ZC3H3: variants seen among roughly 807,000 people sequenced by gnomAD.
The protein encoded by ZC3H3 is zinc finger CCCH domain-containing protein 3.
In ZC3H3, 36 loss-of-function variants were observed where a neutral mutation model predicts 77.3. The ratio of observed to expected loss-of-function variants is 0.47; its 90% CI spans 0.36 to 0.61. The LOEUF (loss-of-function observed/expected upper bound fraction) is 0.61. Ranked by LOEUF, ZC3H3 falls within the 20% of genes least tolerant of loss-of-function variation. The probability of loss-of-function intolerance (pLI) is 0.00; values close to 1 mark genes in which losing one functional copy is unlikely to be tolerated. For synonymous variants in ZC3H3, 626 were observed against 555.2 expected (o/e 1.13, Z -1.79); for missense variants, 1,331 against 1,312.2 (o/e 1.01, Z -0.22).
At chr8:143,491,212 A>G (rs916751405) in intron 4 of ZC3H3, among the ~76,000 whole-genome samples, 2 of 152,152 alleles carry the variant, frequency 1.3e-5, no homozygotes, top group Non-Finnish European at 2.9e-5. Context: ...CGGATCCCAC[A>G]GGAACCCCCG....
At chr8:143,446,848 C>A (rs934684839) in intron 9 of ZC3H3, among the ~76,000 whole-genome samples, 2 of 152,248 alleles carry the variant, frequency 1.3e-5, no homozygotes, top group African/African-American at 4.8e-5. Context: ...CTGGGGCCCG[C>A]AACCGGAGAA....
chr8:143,483,312 G>C (rs1420984966), intron 4 of ZC3H3, among the ~76,000 whole-genome samples: 2 of 152,234 alleles, frequency 1.3e-5, no homozygotes, highest in African/African-American at 2.4e-5. Flanking sequence ...GTGCGCGTGT[G>C]GGGCTGGCTG....
At chr8:143,470,548 G>A (rs76578854) in intron 5 of ZC3H3, among the ~76,000 whole-genome samples, 16,422 of 152,254 alleles carry the variant, frequency 0.11, 917 homozygotes, top group South Asian at 0.17. Flanking sequence ...TGAGGGACGC[G>A]GCAATGCGGC....
Position 143,539,229 on chromosome 8 carries a change from A to T in ZC3H3, c.138T>A (p.Ser46Arg). ...GGTAGCGGGCACTAAAGGCTCTGCCACTGTGGTAAGTGGGTGGCTGCCACC... is the reference window on the plus strand; with the variant it reads ...GGTAGCGGGCACTAAAGGCTCTGCCTCTGTGGTAAGTGGGTGGCTGCCACC... ...ASGWQPPTYH[S>R]GRAFSARYPR... is the part of the protein sequence containing the mutation. Residue 46 changes from serine (S) to arginine (R), a missense_variant, in exon 2 of 12, where the codon AGT (serine) becomes AGA (arginine). By Grantham distance (110) the Ser-to-Arg change is moderately radical. Transcript: ENST00000262577. 1.2e-6 allele frequency: 2 copies of T among 1,612,894 alleles called. No individual in the cohort carries two copies. Among genetic ancestry groups the T allele is most frequent in the Non-Finnish European group, 1.7e-6 (2 of 1,180,012 alleles).
In ZC3H3 at chr8:143,498,922, C is replaced by T. The variant is rs1233934613; in HGVS notation, c.1715+8824G>A. On this transcript the variant is annotated intron_variant, in intron 4 of 11. Coordinates refer to ENST00000262577, the MANE Select transcript of ZC3H3 (RefSeq NM_015117.3). ...CGGGGCGGAGGGGCACAGGACGGGG[C>T]AGAGGGGCACAGGGCAGTGCAGGGG... 2.2e-4 allele frequency among the ~76,000 whole-genome samples: 14 copies of T among 62,268 alleles called. No individual in the cohort carries two copies. The East Asian group carries it at 4.0e-3, about 18-fold the overall frequency. 40.9% of individuals were successfully genotyped at this position (62,268 alleles called of 152,430 possible). A position where few individuals can be genotyped will look rare whatever the true frequency, so the allele number is the denominator to read the frequency against.
intron 3 of ZC3H3, among the ~76,000 whole-genome samples, chr8:143,517,728 T>C (rs1333566258): frequency 1.3e-5 from 2 of 152,196 alleles, no homozygotes; most frequent in Non-Finnish European, 2.9e-5. Context: ...GGACGGGCCC[T>C]TCCCAGGGCT....
At chr8:143,495,759 TTTC>T (rs1276628337) in intron 4 of ZC3H3, among the ~76,000 whole-genome samples, 2 of 114,812 alleles carry the variant, frequency 1.7e-5, no homozygotes, top group African/African-American at 3.4e-5. Context: ...TTTTCTTTTC[TTTC>T]TTTTTTTTTT....
chr8:143,468,486 C>G lies in ZC3H3; in HGVS notation c.2001G>C (p.Glu667Asp), dbSNP rs750339225. ...AIIRQARQRR[E>D]KRKEYCMYYN... Reference sequence around the variant, plus strand: ...AGTACATGCAGTACTCCTTCCTCTTCTCCCTGCGCTGCCGCGCCTGCCGGA... The same window carrying G: ...AGTACATGCAGTACTCCTTCCTCTTGTCCCTGCGCTGCCGCGCCTGCCGGA... Residue 667 changes from glutamate to aspartate, a missense_variant, in exon 7 of 12, where the codon GAG becomes GAC. Physicochemically the swap from Glu to Asp is conservative, Grantham distance 45. This residue lies in a region of ZC3H3 where 978 missense variants were observed against 915.5 expected (regional missense o/e 1.07). Transcript: ENST00000262577. 10 of 1,608,526 alleles carry G rather than the reference C, an allele frequency of 6.2e-6. No individual in the cohort carries two copies. In the South Asian group the frequency reaches 1.1e-4, roughly 18 times the overall value.
chr8:143,540,864 G>A (rs1822988281), intron 1 of ZC3H3, among the ~76,000 whole-genome samples: 1 of 152,130 alleles, frequency 6.6e-6, no homozygotes, highest in Admixed American at 6.5e-5. Flanking sequence ...GCTGAGGCAG[G>A]AGAATCACTC....
At position 143,475,382 on chromosome 8, in the gene ZC3H3, C is replaced by T. The variant is rs572066985; in HGVS notation, c.1903+16G>A. 100 of 1,607,768 alleles carry T rather than the reference C, an allele frequency of 6.2e-5. 1 individual carries two copies. In the Middle Eastern group the frequency reaches 8.3e-4, roughly 13 times the overall value. ...GGTCGGTGTCATCTCCCAGCGCCCC[C>T]GCCCTCACCTCTCACCTGTGCGCAG... On this transcript the variant is annotated intron_variant, in intron 5 of 11. Coordinates refer to ENST00000262577, the MANE Select transcript of ZC3H3 (RefSeq NM_015117.3).
chr8:143,465,956 CG>C, intron 8 of ZC3H3, 108 bp from the exon 9 acceptor site: 1 of 1,428,014 alleles, frequency 7.0e-7, no homozygotes, highest in Non-Finnish European at 9.3e-7. Flanking sequence ...AATGGACACG[CG>C]GCACCAGCAG....
chr8:143,502,467 C>T (rs7834878), intron 4 of ZC3H3, among the ~76,000 whole-genome samples: 2,688 of 152,294 alleles, frequency 0.018, 77 homozygotes, highest in African/African-American at 0.061. Flanking sequence ...GCCTAACTCT[C>T]GTCAAAACTG....
At chr8:143,481,275 C>A (rs960494637) in intron 4 of ZC3H3, among the ~76,000 whole-genome samples, 7 of 152,212 alleles carry the variant, frequency 4.6e-5, no homozygotes, top group African/African-American at 9.6e-5. Flanking sequence ...GGGCCAGAGA[C>A]CCTCATCTGG....
In ZC3H3 at chr8:143,475,562, C is replaced by G. The variant is rs771346941; in HGVS notation, c.1739G>C (p.Arg580Pro). The change falls in exon 5 of 12, where the codon CGT becomes CCT. Residue 580 changes from arginine to proline, a missense_variant. Coordinates refer to ENST00000262577, the MANE Select transcript of ZC3H3 (RefSeq NM_015117.3). ...TTTCCCACCCCCGCTGGCAACTGGA[C>G]GCAGGCGGTTCAGCACCAGGGACCT... is the stretch of plus-strand genomic sequence containing the variant. The part of the protein sequence containing the change: ...LSRSLVLNRL[R>P]PVASGGGKAQ... 1.2e-6 allele frequency: 2 copies of G among 1,605,274 alleles called. No homozygotes were observed. Among genetic ancestry groups the G allele is most frequent in the South Asian group, 2.2e-5 (2 of 89,858 alleles).
intron 4 of ZC3H3, among the ~76,000 whole-genome samples, chr8:143,490,760 C>T (rs761793954): frequency 1.1e-4 from 16 of 152,108 alleles, no homozygotes; most frequent in Non-Finnish European, 2.2e-4. Context: ...ACTAAAAATA[C>T]AAAAATTAGC....
intron 4 of ZC3H3, among the ~76,000 whole-genome samples, chr8:143,490,687 G>A (rs1821176785): frequency 6.6e-6 from 1 of 152,258 alleles, no homozygotes; most frequent in Non-Finnish European, 1.5e-5. Flanking sequence ...GGCCAAGGCA[G>A]GCGGATCACT....
At chr8:143,513,406 C>T (rs1278452703) in intron 3 of ZC3H3, among the ~76,000 whole-genome samples, 3 of 152,192 alleles carry the variant, frequency 2.0e-5, no homozygotes, top group African/African-American at 7.2e-5. Context: ...TCTCCTGCAG[C>T]TCGCAGGTGA....
chr8:143,483,085 C>A (rs1363860729), intron 4 of ZC3H3, among the ~76,000 whole-genome samples: 2 of 151,782 alleles, frequency 1.3e-5, no homozygotes, highest in African/African-American at 2.4e-5. Flanking sequence ...AAATGGAGCA[C>A]AATTTTTCGA....
chr8:143,461,328 C>T (rs997211840), intron 9 of ZC3H3, among the ~76,000 whole-genome samples: 2 of 152,176 alleles, frequency 1.3e-5, no homozygotes, highest in East Asian at 1.9e-4. Flanking sequence ...CCCACCAGAA[C>T]GGGTGTGCCA....
Sources: allele counts gnomAD v4.1 joint callset (sites outside exome capture counted in the v4.1 genomes callset), GRCh38; gene constraint gnomAD v4.1.1; regional missense constraint gnomAD v4.1.1; transcripts MANE v1.5; gene names NCBI Gene and HGNC (gene_info 2026-07-23, HGNC 2026-07-21).